NDUFA5: variants seen among roughly 807,000 people sequenced by gnomAD.
The protein encoded by NDUFA5 is NADH dehydrogenase [ubiquinone] 1 alpha subcomplex subunit 5.
In NDUFA5, 11 loss-of-function variants were observed where a neutral mutation model predicts 19.8. The observed-to-expected ratio is 0.56, with a 90% CI of 0.35 to 0.92. NDUFA5 has a LOEUF of 0.92. Among genes scored for constraint, NDUFA5 ranks in the 40% least tolerant of loss-of-function variants. The pLI, the probability that NDUFA5 is intolerant of heterozygous loss-of-function variation, is 0.01. For synonymous variants in NDUFA5, 47 were observed against 46.8 expected, an observed-to-expected ratio of 1.00 and a Z score of -0.01; for missense variants, 109 against 134.2, an observed-to-expected ratio of 0.81 and a Z score of 0.93.
chr7:123,545,464 G>C, intron 4 of NDUFA5, 147 bp downstream of exon 4: 2 of 641,750 alleles, frequency 3.1e-6, no homozygotes, highest in Non-Finnish European at 5.5e-6. Context: ...ACATACACAT[G>C]AGAAGCACCA....
intron 3 of NDUFA5, among the ~76,000 whole-genome samples, chr7:123,547,667 C>T (rs1301414122): frequency 1.3e-5 from 2 of 152,054 alleles, no homozygotes; most frequent in Non-Finnish European, 2.9e-5. Flanking sequence ...AACAGGGAAG[C>T]TGGTCACTGT....
upstream of NDUFA5, among the ~76,000 whole-genome samples, chr7:123,561,827 A>T (rs1019935897): frequency 6.6e-6 from 1 of 151,550 alleles, no homozygotes; most frequent in African/African-American, 2.4e-5. Context: ...TGAACTCCTG[A>T]CCTCATGATC....
chr7:123,596,254 T>C, the NDUFA5 span: 1 of 152,084 alleles, frequency 6.6e-6, no homozygotes, highest in Non-Finnish European at 1.5e-5. Context: ...ATTTGAAATA[T>C]AAAGACCTGA....
chr7:123,557,985 T>C, upstream of NDUFA5: 3 of 884,684 alleles, frequency 3.4e-6, no homozygotes, highest in Non-Finnish European at 5.2e-6. Flanking sequence ...GCGATGGGCA[T>C]ACAAGCCTAA....
In NDUFA5 at chr7:123,540,889, T is replaced by TGCGC. The variant is rs142574797; in HGVS notation, c.*1229_*1230insGCGC. ...TTCTGAGCAAATGTGCGCATGCGCG[T>TGCGC]GCACACACACACACACACACACACA... On this transcript the variant is annotated 3_prime_UTR_variant, in exon 5 of 5. Transcript: ENST00000355749. 3,640 of 110,354 alleles carry TGCGC rather than the reference T, an allele frequency of 0.033. 63 individuals carry two copies. Among genetic ancestry groups the TGCGC allele is most frequent in the Admixed American group, 0.04 (415 of 10,470 alleles). 6.8% of individuals were successfully genotyped at this position (110,354 alleles called of 1,614,324 possible).
At chr7:123,575,933 CT>C in the NDUFA5 span, among the ~76,000 whole-genome samples, 1 of 149,890 alleles carries the variant, frequency 6.7e-6, no homozygotes, top group Non-Finnish European at 1.5e-5. Flanking sequence ...TTTAAACCTT[CT>C]TTTATTTCAG....
chr7:123,593,744 A>G, the NDUFA5 span, among the ~76,000 whole-genome samples: 11 of 151,842 alleles, frequency 7.2e-5, no homozygotes, highest in African/African-American at 2.4e-4. Flanking sequence ...GTGAATCTGA[A>G]CACTTATGTG....
the NDUFA5 span, among the ~76,000 whole-genome samples, chr7:123,598,450 A>G: frequency 6.6e-6 from 1 of 152,220 alleles, no homozygotes; most frequent in African/African-American, 2.4e-5. Context: ...TCTCTTAGAT[A>G]CACTTGAAAT....
At chr7:123,601,549 C>T in the NDUFA5 span, among the ~76,000 whole-genome samples, 2 of 152,252 alleles carry the variant, frequency 1.3e-5, no homozygotes, top group East Asian at 3.9e-4. Flanking sequence ...GAACAAATAC[C>T]TTTAAATTGT....
chr7:123,582,381 G>A, the NDUFA5 span, among the ~76,000 whole-genome samples: 1 of 151,890 alleles, frequency 6.6e-6, no homozygotes, highest in African/African-American at 2.4e-5. Context: ...CTACCCTAGT[G>A]CACCCCAAAG....
chr7:123,546,548 T>C (rs1798139757), intron 3 of NDUFA5: 3 of 646,060 alleles, frequency 4.6e-6, no homozygotes, highest in South Asian at 3.9e-5. Context: ...ACTGAGCTTT[T>C]TGAGCCAGAA....
At chr7:123,574,142 A>G in the NDUFA5 span, among the ~76,000 whole-genome samples, 8 of 151,678 alleles carry the variant, frequency 5.3e-5, no homozygotes, top group African/African-American at 1.9e-4. Flanking sequence ...GTTTTTTAGA[A>G]TCATTTTTGA....
chr7:123,594,511 G>A, the NDUFA5 span, among the ~76,000 whole-genome samples: 5 of 152,148 alleles, frequency 3.3e-5, no homozygotes, highest in Non-Finnish European at 7.4e-5. Context: ...CTTTCTGTTT[G>A]TTAGTTTTCC....
At chr7:123,579,851 A>C in the NDUFA5 span, among the ~76,000 whole-genome samples, 1 of 152,104 alleles carries the variant, frequency 6.6e-6, no homozygotes, top group Admixed American at 6.6e-5. Flanking sequence ...AACATAAAGC[A>C]TATAATAAAA....
rs1449566812 is a variant in NDUFA5 at position 123,542,178 on chromosome 7, T to C, written c.292A>G (p.Lys98Glu). 4 of 1,612,176 alleles carry C rather than the reference T, an allele frequency of 2.5e-6. No homozygotes were observed. The African/African-American group carries it at 4.0e-5, about 16-fold the overall frequency. ...TCTTCCACTAATGGCTCCCATAGTT[T>C]CCATTCCCTCATTTTTCTTGCCAGA... is the stretch of plus-strand genomic sequence containing the variant. The part of the protein sequence containing the change: ...LNLARKMREW[K>E]LWEPLVEEPP... Residue 98 changes from lysine to glutamate, a missense_variant, in exon 5 of 5, where the codon AAA (lysine) becomes GAA (glutamate). By Grantham distance (56) the Lys-to-Glu change is moderately conservative. Coordinates refer to ENST00000355749, the MANE Select transcript of NDUFA5 (RefSeq NM_005000.5).
chr7:123,544,764 TAAAAAAAAAAA>T (rs61556029), intron 4 of NDUFA5, among the ~76,000 whole-genome samples: 10 of 61,836 alleles, frequency 1.6e-4, no homozygotes, highest in South Asian at 6.5e-4. Flanking sequence ...ATGCAAATCT[TAAAAAAAAAAA>T]AAAAAAAAAA....
At chr7:123,578,713 T>C in the NDUFA5 span, among the ~76,000 whole-genome samples, 1 of 152,080 alleles carries the variant, frequency 6.6e-6, no homozygotes, top group Non-Finnish European at 1.5e-5. Flanking sequence ...CAGGGAGACA[T>C]TGAATGCACG....
the NDUFA5 span, among the ~76,000 whole-genome samples, chr7:123,566,466 C>A: frequency 6.6e-6 from 1 of 152,098 alleles, no homozygotes; most frequent in South Asian, 2.1e-4. Context: ...ATAATATGCT[C>A]CCCTCTTCCT....
intron 3 of NDUFA5, among the ~76,000 whole-genome samples, chr7:123,547,726 C>T (rs759900248): frequency 8.0e-4 from 121 of 152,190 alleles, no homozygotes; most frequent in Non-Finnish European, 9.1e-4. Flanking sequence ...GAAAGTTCAA[C>T]GACACTTTCA....
Sources: allele counts gnomAD v4.1 joint callset (sites outside exome capture counted in the v4.1 genomes callset), GRCh38; gene constraint gnomAD v4.1.1; transcripts MANE v1.5; gene names NCBI Gene and HGNC (gene_info 2026-07-23, HGNC 2026-07-21).